Variants in GABRB1 observed in about 807,000 individuals in gnomAD.
The protein encoded by GABRB1 is gamma-aminobutyric acid type A receptor subunit beta1.
Under a neutral mutation model 51.6 loss-of-function variants are expected in GABRB1, and 17 were observed. That is an observed-to-expected ratio of 0.33 (90% confidence interval 0.23 to 0.49). The LOEUF (loss-of-function observed/expected upper bound fraction) is 0.49, where lower values mean the gene tolerates loss of function less well. Ranked by LOEUF, GABRB1 falls within the 20% of genes least tolerant of loss-of-function variation. GABRB1 has a pLI of 0.99. For synonymous variants in GABRB1, 247 were observed against 218.9 expected, an observed-to-expected ratio of 1.13 and a Z score of -1.14; for missense variants, 410 against 600.6, an observed-to-expected ratio of 0.68 and a Z score of 3.32.
intron 3 of GABRB1, among the ~76,000 whole-genome samples, chr4:47,050,114 C>T (rs1358147612): frequency 6.6e-6 from 1 of 152,148 alleles, no homozygotes; most frequent in East Asian, 1.9e-4. Flanking sequence ...TGGATATTCA[C>T]ATTGTCCCAT....
At chr4:47,113,835 G>A (rs1008593429) in intron 3 of GABRB1, among the ~76,000 whole-genome samples, 2 of 152,212 alleles carry the variant, frequency 1.3e-5, no homozygotes, top group African/African-American at 2.4e-5. Context: ...ATTCAGCCCC[G>A]CAGTTCTGTT....
At chr4:47,416,360 A>T (rs1403527169) in intron 8 of GABRB1, among the ~76,000 whole-genome samples, 3 of 152,210 alleles carry the variant, frequency 2.0e-5, no homozygotes, top group Non-Finnish European at 4.4e-5. Context: ...TTGGACTAGA[A>T]TAAGAAATTT....
At chr4:47,381,301 G>T (rs1424144311) in intron 5 of GABRB1, among the ~76,000 whole-genome samples, 1 of 152,080 alleles carries the variant, frequency 6.6e-6, no homozygotes, top group Non-Finnish European at 1.5e-5. Flanking sequence ...CACTCCACTG[G>T]TGACTGGGCA....
At chr4:47,343,744 G>A (rs1206889689) in intron 5 of GABRB1, among the ~76,000 whole-genome samples, 1 of 152,122 alleles carries the variant, frequency 6.6e-6, no homozygotes, top group Non-Finnish European at 1.5e-5. Flanking sequence ...TAGGGTCAGA[G>A]GACCAAAAGA....
intron 3 of GABRB1, 79 bp from the exon 4 acceptor site, chr4:47,161,170 G>T (rs996643280): frequency 1.1e-6 from 1 of 945,256 alleles, no homozygotes; most frequent in African/African-American, 1.7e-5. Flanking sequence ...TCTCTTACAG[G>T]ACATCCTACA....
intron 8 of GABRB1, among the ~76,000 whole-genome samples, chr4:47,425,377 CCACACACACACACACACA>C (rs34275303): frequency 5.8e-5 from 8 of 138,394 alleles, no homozygotes; most frequent in Admixed American, 2.9e-4. Flanking sequence ...AGAAGAAATA[CCACACACACACACACACA>C]CACACACACA....
intron 1 of GABRB1, among the ~76,000 whole-genome samples, chr4:47,015,988 A>G (rs1236492935): frequency 1.3e-5 from 2 of 152,250 alleles, no homozygotes; most frequent in African/African-American, 4.8e-5. Context: ...CTGGAGTATT[A>G]GCGAGGACTA....
chr4:47,069,940 A>G (rs1448808269), intron 3 of GABRB1, among the ~76,000 whole-genome samples: 1 of 151,414 alleles, frequency 6.6e-6, no homozygotes, highest in African/African-American at 2.4e-5. Flanking sequence ...ATCAATAAAG[A>G]CCCCCATGTT....
At chr4:47,383,369 C>A (rs973207302) in intron 5 of GABRB1, among the ~76,000 whole-genome samples, 18 of 152,240 alleles carry the variant, frequency 1.2e-4, no homozygotes, top group Admixed American at 1.0e-3. Flanking sequence ...GGGACCACAA[C>A]TTTGCATCCA....
chr4:47,088,292 A>G (rs1486929657), intron 3 of GABRB1, among the ~76,000 whole-genome samples: 1 of 152,210 alleles, frequency 6.6e-6, no homozygotes, highest in Non-Finnish European at 1.5e-5. Flanking sequence ...AAGGGAGGCA[A>G]ACAATAACAA....
intron 5 of GABRB1, among the ~76,000 whole-genome samples, chr4:47,389,169 A>G (rs1727899755): frequency 6.6e-6 from 1 of 152,172 alleles, no homozygotes; most frequent in Non-Finnish European, 1.5e-5. Flanking sequence ...CCAGTTCCTC[A>G]TTGGTTGAGT....
chr4:47,196,416 T>C (rs931093497), intron 4 of GABRB1, among the ~76,000 whole-genome samples: 1 of 152,220 alleles, frequency 6.6e-6, no homozygotes, highest in Non-Finnish European at 1.5e-5. Context: ...CAGCACTGGA[T>C]AGATCCAATC....
At chr4:47,151,713 T>C (rs1157376682) in intron 3 of GABRB1, among the ~76,000 whole-genome samples, 1 of 152,044 alleles carries the variant, frequency 6.6e-6, no homozygotes, top group Non-Finnish European at 1.5e-5. Flanking sequence ...CTAAGGAACT[T>C]ACAGAAAATC....
At chr4:47,377,839 T>A (rs910819355) in intron 5 of GABRB1, among the ~76,000 whole-genome samples, 1 of 152,164 alleles carries the variant, frequency 6.6e-6, no homozygotes, top group Non-Finnish European at 1.5e-5. Flanking sequence ...TCACAAACCC[T>A]GAGGTAGACA....
chr4:47,160,117 A>T (rs1477602210), intron 3 of GABRB1, among the ~76,000 whole-genome samples: 1 of 152,128 alleles, frequency 6.6e-6, no homozygotes, highest in Non-Finnish European at 1.5e-5. Flanking sequence ...CCCTTCCAGC[A>T]ACTTGAGCCA....
chr4:47,063,395 A>G (rs775180901), intron 3 of GABRB1, among the ~76,000 whole-genome samples: 1 of 152,208 alleles, frequency 6.6e-6, no homozygotes, highest in African/African-American at 2.4e-5. Flanking sequence ...ATATTTTTAC[A>G]TTAAATAACT....
rs553387369 is a variant in GABRB1 at position 46,997,787 on chromosome 4, C to A, written c.-20+3861C>A. On this transcript the variant is annotated intron_variant, in intron 1 of 3. Transcript: ENST00000513567. ...ATATATGCACACATACACATATACA[C>A]ATATACATATAACAGTTTCTTTATT... Among the ~76,000 whole-genome samples the A allele has an allele frequency of 2.2e-3, 338 of 152,258 alleles. 1 individual carries two copies. Among genetic ancestry groups the A allele is most frequent in the Middle Eastern group, 3.4e-3 (1 of 294 alleles).
intron 5 of GABRB1, 102 bp from the exon 6 acceptor site, chr4:47,403,216 A>G: frequency 7.6e-7 from 1 of 1,309,962 alleles, no homozygotes. Flanking sequence ...AAGCAATGCC[A>G]CCTTACCACT....
At chr4:47,096,532 C>A (rs955290238) in intron 3 of GABRB1, among the ~76,000 whole-genome samples, 4 of 152,122 alleles carry the variant, frequency 2.6e-5, no homozygotes, top group African/African-American at 7.2e-5. Flanking sequence ...ATCCTCGGAA[C>A]CTGTGAGTAT....
Sources: gnomAD v4.1 joint callset for allele counts (sites outside exome capture counted in the v4.1 genomes callset) on GRCh38, gnomAD v4.1.1 for gene constraint, MANE v1.5 for transcripts, NCBI Gene and HGNC (gene_info 2026-07-23, HGNC 2026-07-21) for gene names.